MAPK10: variants seen among roughly 807,000 people sequenced by gnomAD.
The protein encoded by MAPK10 is JNK3 alpha protein kinase.
In MAPK10, 25 loss-of-function variants were observed where a neutral mutation model predicts 59.3. That is an observed-to-expected ratio of 0.42 (90% CI 0.31 to 0.59). The LOEUF (loss-of-function observed/expected upper bound fraction) is 0.59, where lower values mean the gene tolerates loss of function less well. MAPK10 is among the 20% of genes least tolerant of loss of function. MAPK10 has a pLI of 0.15. For missense variants in MAPK10, 351 were observed against 568.9 expected, an observed-to-expected ratio of 0.62 and a Z score of 3.90; for synonymous variants, 190 against 200.5, an observed-to-expected ratio of 0.95 and a Z score of 0.44.
At chr4:86,319,033 A>G (rs1298330104) in intron 2 of MAPK10, among the ~76,000 whole-genome samples, 1 of 152,210 alleles carries the variant, frequency 6.6e-6, no homozygotes, top group Non-Finnish European at 1.5e-5. Flanking sequence ...CTCAGAAGTT[A>G]AATAGCAGAA....
chr4:86,464,634 A>G (rs1244901163), intron 1 of MAPK10, among the ~76,000 whole-genome samples: 1 of 152,178 alleles, frequency 6.6e-6, no homozygotes, highest in Non-Finnish European at 1.5e-5. Context: ...ATCCTGGCTA[A>G]CACGGCGAAA....
At chr4:86,082,363 T>C (rs1033087484) in intron 9 of MAPK10, 1 of 152,212 alleles carries the variant, frequency 6.6e-6, no homozygotes, top group East Asian at 1.9e-4. Flanking sequence ...TAAAATATTT[T>C]ATAATTTCTT....
At chr4:86,133,871 T>C (rs990441556) in intron 4 of MAPK10, among the ~76,000 whole-genome samples, 1 of 152,202 alleles carries the variant, frequency 6.6e-6, no homozygotes, top group Non-Finnish European at 1.5e-5. Flanking sequence ...TGGTAGTCCA[T>C]AAATAATGAT....
intron 4 of MAPK10, among the ~76,000 whole-genome samples, chr4:86,142,960 A>G (rs1450091444): frequency 6.6e-6 from 1 of 152,198 alleles, no homozygotes; most frequent in Non-Finnish European, 1.5e-5. Flanking sequence ...TCATATCTGT[A>G]TTAGTCCATT....
chr4:86,409,859 T>G (rs1744900119), intron 1 of MAPK10, among the ~76,000 whole-genome samples: 1 of 152,226 alleles, frequency 6.6e-6, no homozygotes, highest in Admixed American at 6.5e-5. Flanking sequence ...AGAGACAATT[T>G]GACTTTCTCT....
chr4:86,520,123 T>G (rs1434460730), intron 1 of MAPK10, among the ~76,000 whole-genome samples: 1 of 152,250 alleles, frequency 6.6e-6, no homozygotes, highest in East Asian at 1.9e-4. Context: ...ATGAATTTCC[T>G]GGGTGTTCTT....
chr4:86,412,765 T>A (rs1363111078), intron 1 of MAPK10, among the ~76,000 whole-genome samples: 1 of 152,202 alleles, frequency 6.6e-6, no homozygotes, highest in Admixed American at 6.5e-5. Context: ...TCATTTAAGG[T>A]CTTCTCTACA....
At chr4:86,364,192 T>C (rs1737457240), upstream of MAPK10, among the ~76,000 whole-genome samples, 1 of 152,098 alleles carries the variant, frequency 6.6e-6, no homozygotes. Context: ...AGTGGTGCAA[T>C]CTCAGCTCAC....
intron 2 of MAPK10, among the ~76,000 whole-genome samples, chr4:86,252,615 C>T (rs1175967477): frequency 8.0e-6 from 1 of 124,738 alleles, no homozygotes; most frequent in Non-Finnish European, 1.7e-5. Flanking sequence ...GTGATGCCTC[C>T]AGCTTTGTTC....
Position 86,016,901 on chromosome 4 carries a change from G to T in MAPK10, c.*327C>A. 4.1e-6 allele frequency: 1 copy of T among 241,776 alleles called. No homozygotes were observed. 15.0% of individuals were successfully genotyped at this position (241,776 alleles called of 1,614,324 possible). A position where few individuals can be genotyped will look rare whatever the true frequency, so the allele number is the denominator to read the frequency against. ...ATGCCATTTAAAAGGGCAGTTACAGGTTGCCGGTTTTGCAGCCATTAAAAT... is the reference window on the plus strand; with the variant it reads ...ATGCCATTTAAAAGGGCAGTTACAGTTTGCCGGTTTTGCAGCCATTAAAAT... On this transcript the variant is annotated 3_prime_UTR_variant, in exon 14 of 14. Transcript: ENST00000641462.
intron 9 of MAPK10, among the ~76,000 whole-genome samples, chr4:86,074,030 A>G (rs2048649893): frequency 2.1e-5 from 2 of 94,270 alleles, no homozygotes; most frequent in Non-Finnish European, 4.4e-5. Flanking sequence ...TGGGAGTCTA[A>G]GTCTCTTTGT....
chr4:86,547,922 C>T lies in MAPK10; in HGVS notation c.-263+45988G>A, dbSNP rs1185472892. Among the ~76,000 whole-genome samples, 3 of 152,160 alleles carry T rather than the reference C, an allele frequency of 2.0e-5. No homozygotes were observed. The East Asian group carries it at 5.8e-4, about 29-fold the overall frequency. On this transcript the variant is annotated intron_variant, in intron 1 of 4. Transcript: ENST00000502302. ...ATGTCTAGCTCAGGGATTGTAAACG[C>T]ACCAATCAGCGCCCTGTCAAAACAG... is the stretch of plus-strand genomic sequence containing the variant.
At chr4:86,396,071 C>T (rs1267247469) in intron 1 of MAPK10, among the ~76,000 whole-genome samples, 1 of 152,160 alleles carries the variant, frequency 6.6e-6, no homozygotes, top group Admixed American at 6.5e-5. Context: ...TCCGGCCGGG[C>T]GAGGTGGCTC....
chr4:86,017,453 A>C lies in MAPK10; in HGVS notation c.1253-83T>G. ...GCCATTCAGGATTCAGGGATGGGCA[A>C]ATACAATAGGGGATGTCCAGTCCAT... On this transcript the variant is annotated intron_variant, in intron 13 of 13. Transcript: ENST00000641462. The surrounding 1 kb of genome is among the most constrained non-coding windows in gnomAD (Gnocchi z 4.4). 1 of 1,455,866 alleles carries C rather than the reference A, an allele frequency of 6.9e-7. No homozygotes were observed. The highest frequency in any genetic ancestry group is 1.2e-5 in the South Asian group (1 of 82,174). 90.2% of individuals were successfully genotyped at this position (1,455,866 alleles called of 1,614,324 possible).
intron 1 of MAPK10, among the ~76,000 whole-genome samples, chr4:86,501,939 A>G (rs1755364615): frequency 6.6e-6 from 1 of 152,100 alleles, no homozygotes; most frequent in Admixed American, 6.6e-5. Flanking sequence ...CAAAGTTAAC[A>G]TTCTCCTGAG....
rs755359686 is a variant in MAPK10, at chr4:86,017,964, G to A, written c.1253-594C>T. 3.9e-5 allele frequency among the ~76,000 whole-genome samples: 6 copies of A among 152,046 alleles called. No individual in the cohort carries two copies. Among genetic ancestry groups the A allele is most frequent in the Non-Finnish European group, 7.4e-5 (5 of 67,990 alleles). ...TCTCGATCTCTTGACCTCATGATCCGCCCACCTCTGCCTCCCAAAGTGCTG... is the reference window on the plus strand; with the variant it reads ...TCTCGATCTCTTGACCTCATGATCCACCCACCTCTGCCTCCCAAAGTGCTG... On this transcript the variant is annotated intron_variant, in intron 13 of 13. Transcript: ENST00000641462. The surrounding 1 kb of genome is among the most constrained non-coding windows in gnomAD (Gnocchi z 4.4).
chr4:86,512,054 G>A (rs1193083231), intron 1 of MAPK10, among the ~76,000 whole-genome samples: 1 of 152,094 alleles, frequency 6.6e-6, no homozygotes, highest in Non-Finnish European at 1.5e-5. Context: ...ATGACATTAA[G>A]TAACTGCTGA....
intron 4 of MAPK10, among the ~76,000 whole-genome samples, chr4:86,132,722 G>A (rs2061235476): frequency 6.6e-6 from 1 of 152,084 alleles, no homozygotes; most frequent in Non-Finnish European, 1.5e-5. Flanking sequence ...ATTCTCATAG[G>A]AGCGTGCACC....
chr4:86,366,442 G>A (rs1737912963), intron 1 of MAPK10, among the ~76,000 whole-genome samples: 2 of 152,068 alleles, frequency 1.3e-5, no homozygotes, highest in African/African-American at 2.4e-5. Flanking sequence ...ATTTCCTCTT[G>A]GGAAAGAGGA....
Sources: gnomAD v4.1 joint callset for allele counts (sites outside exome capture counted in the v4.1 genomes callset) on GRCh38, gnomAD v4.1.1 for gene constraint, Gnocchi (gnomAD v3.1) non-coding constraint, MANE v1.5 for transcripts, NCBI Gene and HGNC (gene_info 2026-07-23, HGNC 2026-07-21) for gene names.